DGLUCY: variants seen among roughly 807,000 people sequenced by gnomAD.
DGLUCY encodes the protein D-glutamate cyclase, mitochondrial.
In DGLUCY, 58 loss-of-function variants were observed where a neutral mutation model predicts 58.5. That is an observed-to-expected ratio of 0.99 (90% CI 0.80 to 1.23). DGLUCY has a LOEUF of 1.23. DGLUCY is among the 50% of genes most tolerant of loss of function. DGLUCY has a pLI of 0.00. For missense variants in DGLUCY, 779 were observed against 784.7 expected (o/e 0.99, Z 0.09); for synonymous variants, 325 against 314.1 (o/e 1.03, Z -0.37).
chr14:91,154,046 C>G (rs544428308), intron 1 of DGLUCY, among the ~76,000 whole-genome samples: 29 of 152,262 alleles, frequency 1.9e-4, no homozygotes, highest in African/African-American at 6.3e-4. Flanking sequence ...GCTGGAATTA[C>G]GGGTGTGCAC....
At chr14:91,164,453 C>G (rs2048165356) in intron 3 of DGLUCY, among the ~76,000 whole-genome samples, 1 of 152,142 alleles carries the variant, frequency 6.6e-6, no homozygotes, top group Non-Finnish European at 1.5e-5. Context: ...TCTTTGCTAT[C>G]TGGGCTTATT....
At chr14:91,207,131 C>T (rs1884851093) in intron 12 of DGLUCY, among the ~76,000 whole-genome samples, 1 of 118,442 alleles carries the variant, frequency 8.4e-6, no homozygotes, top group South Asian at 2.9e-4. Flanking sequence ...TGTACTCCAG[C>T]CTGGATGACA....
chr14:91,108,673 G>C (rs891023539), intron 1 of DGLUCY, among the ~76,000 whole-genome samples: 1 of 152,044 alleles, frequency 6.6e-6, no homozygotes, highest in Non-Finnish European at 1.5e-5. Context: ...TGGTAGTTGG[G>C]ACTACAGGCA....
At chr14:91,133,298 C>T (rs898506918) in intron 1 of DGLUCY, among the ~76,000 whole-genome samples, 1 of 151,624 alleles carries the variant, frequency 6.6e-6, no homozygotes, top group African/African-American at 2.4e-5. Flanking sequence ...TCCGTCTCAA[C>T]AACAACAACA....
intron 1 of DGLUCY, among the ~76,000 whole-genome samples, chr14:91,151,888 C>T (rs1219092639): frequency 1.3e-5 from 2 of 149,510 alleles, no homozygotes; most frequent in African/African-American, 2.5e-5. Flanking sequence ...CTCCTGGCCT[C>T]GGCCTCCCAA....
chr14:91,157,114 GAT>G (rs2047672300), intron 1 of DGLUCY, among the ~76,000 whole-genome samples: 2 of 138,364 alleles, frequency 1.4e-5, no homozygotes, highest in African/African-American at 5.3e-5. Context: ...TGGATGGATG[GAT>G]GGGTGGATGG....
intron 11 of DGLUCY, among the ~76,000 whole-genome samples, chr14:91,204,279 AC>A (rs1204796600): frequency 6.6e-6 from 1 of 152,194 alleles, no homozygotes; most frequent in Non-Finnish European, 1.5e-5. Context: ...GAACTAAAAC[AC>A]ATACATTTCA....
chr14:91,062,108 T>C (rs1187106183), intron 1 of DGLUCY, among the ~76,000 whole-genome samples: 1 of 152,192 alleles, frequency 6.6e-6, no homozygotes, highest in African/African-American at 2.4e-5. Context: ...TCTGCCATTG[T>C]AGCGCAAAAG....
intron 9 of DGLUCY, among the ~76,000 whole-genome samples, chr14:91,192,508 G>T (rs997214224): frequency 6.6e-6 from 1 of 152,136 alleles, no homozygotes; most frequent in African/African-American, 2.4e-5. Context: ...AGTGACTCAC[G>T]CCTGTAATCC....
intron 1 of DGLUCY, among the ~76,000 whole-genome samples, chr14:91,146,281 A>G (rs988220381): frequency 6.6e-6 from 1 of 152,208 alleles, no homozygotes; most frequent in Non-Finnish European, 1.5e-5. Flanking sequence ...CTGTCTGACT[A>G]CCATGGATGG....
intron 1 of DGLUCY, among the ~76,000 whole-genome samples, chr14:91,066,308 G>A (rs2043818559): frequency 6.6e-6 from 1 of 150,944 alleles, no homozygotes; most frequent in South Asian, 2.1e-4. Context: ...AACCCGGGAG[G>A]CAGAGGTTGC....
upstream of DGLUCY, among the ~76,000 whole-genome samples, chr14:91,104,215 A>G (rs1263597822): frequency 2.0e-5 from 3 of 151,104 alleles, no homozygotes; most frequent in African/African-American, 7.3e-5. Flanking sequence ...GGCACCCGCC[A>G]CCACGCCCGG....
At chr14:91,086,762 A>C (rs2044228485) in intron 1 of DGLUCY, among the ~76,000 whole-genome samples, 2 of 152,076 alleles carry the variant, frequency 1.3e-5, no homozygotes, top group Non-Finnish European at 2.9e-5. Context: ...TAATTTAATT[A>C]ATTAATTTTG....
chr14:91,190,764 G>A (rs2049833104), intron 9 of DGLUCY, among the ~76,000 whole-genome samples: 1 of 152,166 alleles, frequency 6.6e-6, no homozygotes, highest in African/African-American at 2.4e-5. Flanking sequence ...GATGGGACAG[G>A]GCCTCGCAGG....
chr14:91,064,081 C>T (rs1369924320), intron 1 of DGLUCY, among the ~76,000 whole-genome samples: 5 of 152,092 alleles, frequency 3.3e-5, no homozygotes, highest in African/African-American at 9.7e-5. Flanking sequence ...TGAAATGACA[C>T]CAGTGTTTCT....
chr14:91,161,816 T>A (rs1010729597), intron 3 of DGLUCY, among the ~76,000 whole-genome samples: 2 of 144,726 alleles, frequency 1.4e-5, no homozygotes, highest in African/African-American at 5.0e-5. Context: ...TGCCATTTTT[T>A]TTTTTTTTTT....
intron 13 of DGLUCY, among the ~76,000 whole-genome samples, chr14:91,217,561 C>T (rs4900073): frequency 0.76 from 113,727 of 149,850 alleles, 43,496 homozygotes; most frequent in Non-Finnish European, 0.81. Context: ...CTCGGCTCAC[C>T]GCAACCTCCA....
At chr14:91,083,437 G>C (rs2140050967) in intron 1 of DGLUCY, among the ~76,000 whole-genome samples, 1 of 151,566 alleles carries the variant, frequency 6.6e-6, no homozygotes, top group South Asian at 2.1e-4. Context: ...TGGGAGAATT[G>C]CTGGAACCTG....
chr14:91,108,522 TGTGTGAGAGA>T (rs1371526625), intron 1 of DGLUCY, among the ~76,000 whole-genome samples: 38 of 73,938 alleles, frequency 5.1e-4, no homozygotes, highest in African/African-American at 1.5e-3. Flanking sequence ...TGTGTGTGTG[TGTGTGAGAGA>T]GAGAGAGAGA....
Sources: allele counts gnomAD v4.1 joint callset (sites outside exome capture counted in the v4.1 genomes callset), GRCh38; gene constraint gnomAD v4.1.1; transcripts MANE v1.5; gene names NCBI Gene and HGNC (gene_info 2026-07-23, HGNC 2026-07-21).